Variants in PDZD2 observed in about 807,000 individuals in gnomAD.
PDZD2 encodes the protein PDZ domain containing 2.
A neutral mutation model predicts 220.7 loss-of-function variants in PDZD2; 90 were observed. The observed-to-expected ratio is 0.41, with a 90% CI of 0.34 to 0.49. PDZD2 has a LOEUF of 0.49. Ranked by LOEUF, PDZD2 falls within the 20% of genes least tolerant of loss-of-function variation. The probability of loss-of-function intolerance (pLI) is 0.28; values close to 1 mark genes in which losing one functional copy is unlikely to be tolerated. For synonymous variants in PDZD2, 1,375 were observed against 1,450.5 expected (o/e 0.95, Z 1.18); for missense variants, 3,174 against 3,608.5 (o/e 0.88, Z 3.08).
chr5:32,083,000 C>G (rs1742113529), intron 19 of PDZD2, among the ~76,000 whole-genome samples: 1 of 152,142 alleles, frequency 6.6e-6, no homozygotes, highest in Non-Finnish European at 1.5e-5. Flanking sequence ...ATGTTTAACT[C>G]TGTTATGAAC....
chr5:31,922,937 C>T lies in PDZD2; in HGVS notation c.477-60218C>T, dbSNP rs116080441. On this transcript the variant is annotated intron_variant, in intron 2 of 24. Coordinates refer to ENST00000438447, the MANE Select transcript of PDZD2 (RefSeq NM_178140.4). ...TCTAGCAATCCACCCACCTTGACCT[C>T]GCAAAGTGCTGGCATTATAGCCCCT... is the stretch of plus-strand genomic sequence containing the variant. Among the ~76,000 whole-genome samples, 990 of 142,784 alleles carry T rather than the reference C, an allele frequency of 6.9e-3. 13 individuals are homozygous for T. The highest frequency in any genetic ancestry group is 0.024 in the African/African-American group (945 of 39,170). 93.7% of individuals were successfully genotyped at this position (142,784 alleles called of 152,430 possible).
At chr5:31,777,922 C>T (rs1752802663) in intron 1 of PDZD2, among the ~76,000 whole-genome samples, 1 of 152,164 alleles carries the variant, frequency 6.6e-6, no homozygotes, top group Non-Finnish European at 1.5e-5. Context: ...ACACACCAAT[C>T]AGTGCTCTGT....
At chr5:31,830,377 C>T (rs1216931197) in intron 2 of PDZD2, among the ~76,000 whole-genome samples, 3 of 148,060 alleles carry the variant, frequency 2.0e-5, no homozygotes, top group Admixed American at 6.7e-5. Context: ...GGGGTTTCAC[C>T]GTGTTAGCCA....
At chr5:31,659,463 AAGCTCACCATTTTCCCCAT>A (rs1036373462) in intron 1 of PDZD2, among the ~76,000 whole-genome samples, 1 of 151,840 alleles carries the variant, frequency 6.6e-6, no homozygotes, top group African/African-American at 2.4e-5. Flanking sequence ...GTCCCAAGCC[AAGCTCACCATTTTCCCCAT>A]ATAAACCTCT....
chr5:31,700,936 T>C (rs1300222377), intron 1 of PDZD2, among the ~76,000 whole-genome samples: 1 of 152,190 alleles, frequency 6.6e-6, no homozygotes, highest in East Asian at 1.9e-4. Flanking sequence ...TCCCATCTCC[T>C]GGGGGGCTGT....
At chr5:32,034,839 C>G (rs1440351416) in intron 6 of PDZD2, among the ~76,000 whole-genome samples, 1 of 152,138 alleles carries the variant, frequency 6.6e-6, no homozygotes. Context: ...TCAGAGATGG[C>G]TCTTTCTTCT....
chr5:31,998,243 C>T (rs1179276294), intron 4 of PDZD2, among the ~76,000 whole-genome samples: 2 of 152,204 alleles, frequency 1.3e-5, no homozygotes, highest in Non-Finnish European at 2.9e-5. Flanking sequence ...TCCTGAGATT[C>T]CAGCTTGTTT....
chr5:31,776,634 A>T (rs1209568918), intron 1 of PDZD2, among the ~76,000 whole-genome samples: 1 of 45,928 alleles, frequency 2.2e-5, no homozygotes, highest in Non-Finnish European at 5.0e-5. Flanking sequence ...TATTTTATTT[A>T]TTTATTTATT....
At chr5:32,079,575 G>A (rs1741707784) in intron 19 of PDZD2, among the ~76,000 whole-genome samples, 1 of 152,024 alleles carries the variant, frequency 6.6e-6, no homozygotes, top group Non-Finnish European at 1.5e-5. Flanking sequence ...GGGAGGCTGA[G>A]GTGGGTGGAT....
chr5:31,921,303 T>C (rs910971528), intron 2 of PDZD2, among the ~76,000 whole-genome samples: 1 of 152,236 alleles, frequency 6.6e-6, no homozygotes, highest in Non-Finnish European at 1.5e-5. Flanking sequence ...TAATGTACAG[T>C]GCTCTATGAA....
At chr5:31,841,680 G>A (rs909106611) in intron 2 of PDZD2, among the ~76,000 whole-genome samples, 9 of 147,220 alleles carry the variant, frequency 6.1e-5, no homozygotes, top group African/African-American at 2.3e-4. Flanking sequence ...CAAAAAAAAA[G>A]AACAATACCT....
intron 6 of PDZD2, among the ~76,000 whole-genome samples, chr5:32,026,559 A>G (rs1405694014): frequency 2.0e-5 from 3 of 151,768 alleles, no homozygotes; most frequent in African/African-American, 4.8e-5. Context: ...GCACGCACGC[A>G]CACACACACA....
At chr5:31,743,329 C>G (rs1750383897) in intron 1 of PDZD2, among the ~76,000 whole-genome samples, 1 of 152,126 alleles carries the variant, frequency 6.6e-6, no homozygotes, top group African/African-American at 2.4e-5. Context: ...CATGCGCCAC[C>G]ATGCCCGGCC....
intron 2 of PDZD2, among the ~76,000 whole-genome samples, chr5:31,955,521 G>A (rs1006555740): frequency 4.0e-5 from 6 of 151,840 alleles, no homozygotes; most frequent in African/African-American, 1.5e-4. Flanking sequence ...GGCTGGTCTT[G>A]AACTCCCGAC....
chr5:31,694,095 GT>G (rs1347314198), intron 1 of PDZD2, among the ~76,000 whole-genome samples: 2 of 152,126 alleles, frequency 1.3e-5, no homozygotes, highest in Non-Finnish European at 2.9e-5. Context: ...CATTTAGAAT[GT>G]CAGGAACAAA....
At chr5:31,685,443 C>G (rs1746816003) in intron 1 of PDZD2, among the ~76,000 whole-genome samples, 1 of 152,162 alleles carries the variant, frequency 6.6e-6, no homozygotes, top group African/African-American at 2.4e-5. Context: ...AATGAACCTT[C>G]TTGTATCTAT....
intron 1 of PDZD2, among the ~76,000 whole-genome samples, chr5:31,794,091 A>G (rs1753870307): frequency 6.6e-6 from 1 of 152,126 alleles, no homozygotes; most frequent in South Asian, 2.1e-4. Context: ...AAAATCTGTC[A>G]TCCTACCAAC....
chr5:31,702,390 C>G (rs1379075270), intron 1 of PDZD2, among the ~76,000 whole-genome samples: 1 of 152,200 alleles, frequency 6.6e-6, no homozygotes, highest in African/African-American at 2.4e-5. Flanking sequence ...GCTCAAGTTC[C>G]CTACCTTCGG....
At chr5:31,855,260 T>C (rs1188383318) in intron 2 of PDZD2, 1 of 324,300 alleles carries the variant, frequency 3.1e-6, no homozygotes, top group East Asian at 1.7e-4. Flanking sequence ...AATGTGGAGA[T>C]TTAGCCACAG....
Sources: allele counts gnomAD v4.1 joint callset (sites outside exome capture counted in the v4.1 genomes callset), GRCh38; gene constraint gnomAD v4.1.1; transcripts MANE v1.5; gene names NCBI Gene and HGNC (gene_info 2026-07-23, HGNC 2026-07-21).